The following ANXA3 variants were observed in gnomAD, a reference collection of about 807,000 sequenced individuals.
The protein encoded by ANXA3 is 35-alpha calcimedin.
A neutral mutation model predicts 48.8 loss-of-function variants in ANXA3; 46 were observed. That is an observed-to-expected ratio of 0.94 (90% CI 0.74 to 1.21). The LOEUF is 1.21. Ranked by LOEUF, ANXA3 falls within the 50% of genes most tolerant of loss-of-function variation. The pLI, the probability that ANXA3 is intolerant of heterozygous loss-of-function variation, is 0.00. For missense variants in ANXA3, 383 were observed against 378.6 expected (o/e 1.01, Z -0.10); for synonymous variants, 128 against 134.7 (o/e 0.95, Z 0.35).
Position 78,586,251 on chromosome 4 carries a change from C to G in ANXA3, c.313-9C>G. On this transcript the variant is annotated splice_polypyrimidine_tract_variant and intron_variant, in intron 5 of 12. Coordinates refer to ENST00000264908, the MANE Select transcript of ANXA3 (RefSeq NM_005139.3). ...TGTTCTAAAAATTAGATTTTCTTTT[C>G]CTTTTTAGGGCGCGGGAACAAACGA... The G allele has an allele frequency of 6.2e-7, 1 of 1,609,946 alleles. No individual in the cohort carries two copies. The highest frequency in any genetic ancestry group is 1.3e-5 in the African/African-American group (1 of 74,804).
chr4:78,600,861 G>A (rs572257990), intron 10 of ANXA3, among the ~76,000 whole-genome samples: 4 of 151,644 alleles, frequency 2.6e-5, no homozygotes, highest in African/African-American at 4.8e-5. Context: ...TTACTCTTGC[G>A]TTTTTGTCAG....
intron 11 of ANXA3, chr4:78,603,233 A>G (rs1437647119): frequency 6.6e-6 from 1 of 152,234 alleles, no homozygotes; most frequent in African/African-American, 2.4e-5. Flanking sequence ...CGCCATTGGC[A>G]CAGCACATGG....
intron 2 of ANXA3, among the ~76,000 whole-genome samples, chr4:78,571,741 T>A (rs1722844720): frequency 6.6e-6 from 1 of 152,234 alleles, no homozygotes; most frequent in Admixed American, 6.5e-5. Context: ...TTTCTCAACA[T>A]CTTTGTGGCT....
intron 6 of ANXA3, among the ~76,000 whole-genome samples, chr4:78,588,392 T>G (rs1723222435): frequency 1.3e-5 from 2 of 151,718 alleles, no homozygotes; most frequent in South Asian, 2.1e-4. Context: ...GACCTTGTCT[T>G]GGAAAAAAAA....
At chr4:78,567,124 G>T (rs2109929264) in intron 2 of ANXA3, among the ~76,000 whole-genome samples, 1 of 152,338 alleles carries the variant, frequency 6.6e-6, no homozygotes. Flanking sequence ...TAGGTGAGGA[G>T]GCTCTTAGGC....
At chr4:78,597,855 C>A (rs1483986439) in intron 10 of ANXA3, among the ~76,000 whole-genome samples, 1 of 151,984 alleles carries the variant, frequency 6.6e-6, no homozygotes, top group Non-Finnish European at 1.5e-5. Context: ...CTCAAGCAAT[C>A]CATCCACCTC....
chr4:78,579,787 G>C (rs1723035900), intron 4 of ANXA3, among the ~76,000 whole-genome samples: 1 of 152,098 alleles, frequency 6.6e-6, no homozygotes, highest in Non-Finnish European at 1.5e-5. Flanking sequence ...AAATTAGCCT[G>C]GTGTGATGGC....
Position 78,604,280 on chromosome 4 carries a change from A to G in ANXA3, c.793A>G (p.Ile265Val), listed in dbSNP as rs1578405573. Residue 265 changes from isoleucine to valine, a missense_variant, in exon 12 of 13, where the codon ATT becomes GTT. Coordinates refer to ENST00000264908, the MANE Select transcript of ANXA3 (RefSeq NM_005139.3). ...AERLHRALKG[I>V]GTDEFTLNRI... ...GAACACCTGCATTCCTTAACAGGGT[A>G]TTGGAACTGATGAGTTTACTCTGAA... The G allele has an allele frequency of 3.1e-6, 5 of 1,610,276 alleles. No homozygotes were observed. The highest frequency in any genetic ancestry group is 1.7e-4 in the Middle Eastern group (1 of 6,034).
chr4:78,603,452 CTTCCCATT>C (rs1022988309), intron 11 of ANXA3: 31 of 152,184 alleles, frequency 2.0e-4, no homozygotes, highest in African/African-American at 6.8e-4. Context: ...ACTCTCAAAT[CTTCCCATT>C]TTCTCCATCC....
At chr4:78,565,652 G>C (rs990319136) in intron 2 of ANXA3, among the ~76,000 whole-genome samples, 6 of 152,200 alleles carry the variant, frequency 3.9e-5, no homozygotes, top group Non-Finnish European at 8.8e-5. Context: ...AATCCTGGCT[G>C]TGCCACAAAC....
intron 2 of ANXA3, among the ~76,000 whole-genome samples, chr4:78,572,829 C>T (rs1175814194): frequency 6.6e-6 from 1 of 152,212 alleles, no homozygotes; most frequent in Non-Finnish European, 1.5e-5. Context: ...CTCTCATCCT[C>T]CTAACTTGGT....
At chr4:78,579,992 A>G (rs1444170054) in intron 4 of ANXA3, among the ~76,000 whole-genome samples, 2 of 152,246 alleles carry the variant, frequency 1.3e-5, no homozygotes, top group Admixed American at 6.5e-5. Flanking sequence ...TATTTGTCCA[A>G]TGTCTATTTC....
In ANXA3 at chr4:78,610,357, CTT is replaced by C. The variant is rs1723734153; in HGVS notation, c.*243_*244del. On this transcript the variant is annotated 3_prime_UTR_variant, in exon 13 of 13. Coordinates refer to ENST00000264908, the MANE Select transcript of ANXA3 (RefSeq NM_005139.3). Reference sequence around the variant, plus strand: ...TTAAAGATCTGCAACTACTATCCAACTTATATTTCTGCTTTCAAAGTTAAGAA... The same window carrying C: ...TTAAAGATCTGCAACTACTATCCAACATATTTCTGCTTTCAAAGTTAAGAA... 1 of 308,920 alleles carries C rather than the reference CTT, an allele frequency of 3.2e-6. No individual in the cohort carries two copies. The highest frequency in any genetic ancestry group is 5.9e-6 in the Non-Finnish European group (1 of 168,740). The allele number at this position is 308,920 out of a possible 1,614,324, so 19.1% of individuals were successfully genotyped here.
intron 2 of ANXA3, 73 bp downstream of exon 2, chr4:78,554,561 C>G: frequency 7.1e-7 from 1 of 1,405,532 alleles, no homozygotes; most frequent in Non-Finnish European, 1.0e-6. Context: ...GTCAAGATAG[C>G]AAGGAAAATT....
At chr4:78,584,813 C>A (rs531166982) in intron 5 of ANXA3, among the ~76,000 whole-genome samples, 1 of 152,178 alleles carries the variant, frequency 6.6e-6, no homozygotes, top group African/African-American at 2.4e-5. Context: ...GATAAAGAGG[C>A]GAAGAGCAGG....
intron 3 of ANXA3, among the ~76,000 whole-genome samples, chr4:78,574,931 G>C (rs1408219077): frequency 2.0e-5 from 3 of 152,150 alleles, no homozygotes; most frequent in African/African-American, 7.2e-5. Context: ...TAGAAATTTT[G>C]CCATACTGCT....
At chr4:78,592,948 T>C (rs867655003) in intron 7 of ANXA3, among the ~76,000 whole-genome samples, 30 of 152,158 alleles carry the variant, frequency 2.0e-4, no homozygotes, top group African/African-American at 5.6e-4. Context: ...CAGACAGTCA[T>C]ACAAGGACCT....
At chr4:78,588,705 G>C (rs1009292318) in intron 6 of ANXA3, among the ~76,000 whole-genome samples, 3 of 152,088 alleles carry the variant, frequency 2.0e-5, no homozygotes, top group Non-Finnish European at 2.9e-5. Flanking sequence ...TGCTGCTGTC[G>C]GGGTGAACAG....
chr4:78,560,753 T>C (rs1043999094), intron 2 of ANXA3, among the ~76,000 whole-genome samples: 6 of 152,058 alleles, frequency 3.9e-5, no homozygotes, highest in African/African-American at 7.2e-5. Context: ...TATCTAAGGG[T>C]CTACCATGAG....
Sources: allele counts gnomAD v4.1 joint callset (sites outside exome capture counted in the v4.1 genomes callset), GRCh38; gene constraint gnomAD v4.1.1; transcripts MANE v1.5; gene names NCBI Gene and HGNC (gene_info 2026-07-23, HGNC 2026-07-21).